Variants in PPP1R15A observed in about 807,000 individuals in gnomAD.
PPP1R15A encodes growth arrest and DNA damage-inducible protein GADD34.
Under a neutral mutation model 48.5 loss-of-function variants are expected in PPP1R15A, and 43 were observed. The ratio of observed to expected loss-of-function variants is 0.89; its 90% CI spans 0.69 to 1.14. The LOEUF is 1.14. Among genes scored for constraint, PPP1R15A ranks in the 50% most tolerant of loss-of-function variants. The probability of loss-of-function intolerance (pLI) is 0.00; values close to 1 mark genes in which losing one functional copy is unlikely to be tolerated. For missense variants in PPP1R15A, 868 were observed against 847.2 expected (o/e 1.02, Z -0.30); for synonymous variants, 327 against 327.4 (o/e 1.00, Z 0.01).
Position 48,875,929 on chromosome 19 carries a change from G to A in PPP1R15A, c.1981G>A (p.Ala661Thr), listed in dbSNP as rs1479305436. Residue 661 changes from alanine (A) to threonine (T), a missense_variant, in exon 3 of 3, where the codon GCT (alanine) becomes ACT (threonine). Physicochemically the swap from Ala to Thr is moderately conservative, Grantham distance 58. Coordinates refer to ENST00000200453, the MANE Select transcript of PPP1R15A (RefSeq NM_014330.5). ...TGTGGCCACACCTTCCCGCTCGTCTGCTGCTGCAGCGGCTGCCCTGGACCT... is the reference window on the plus strand; with the variant it reads ...TGTGGCCACACCTTCCCGCTCGTCTACTGCTGCAGCGGCTGCCCTGGACCT... ...QAVATPSRSS[A>T]AAAAALDLSG... 2 of 1,608,986 alleles carry A rather than the reference G, an allele frequency of 1.2e-6. No homozygotes were observed. The highest frequency in any genetic ancestry group is 1.3e-5 in the African/African-American group (1 of 74,930).
At position 48,874,562 on chromosome 19, in the gene PPP1R15A, G is replaced by A. The variant is rs2037055358; in HGVS notation, c.1329G>A (p.Glu443=). ...VYRPGEDTEE[E]EDEDVDSEDK... is the part of the protein sequence containing the mutation. Reference sequence around the variant, plus strand: ...GGCCAGGAGAGGACACGGAGGAGGAGGAAGATGAGGATGTGGATAGTGAGG... The same window carrying A: ...GGCCAGGAGAGGACACGGAGGAGGAAGAAGATGAGGATGTGGATAGTGAGG... Residue 443 remains glutamate (E), a synonymous_variant, in exon 2 of 3, where the codon GAG becomes GAA. Transcript: ENST00000200453. The A allele has an allele frequency of 6.2e-7, 1 of 1,614,060 alleles. No homozygotes were observed. The highest frequency in any genetic ancestry group is 8.5e-7 in the Non-Finnish European group (1 of 1,180,034).
At chr19:48,875,441 T>C in intron 2 of PPP1R15A, 173 bp from the exon 3 acceptor site, 1 of 856,360 alleles carries the variant, frequency 1.2e-6, no homozygotes, top group Non-Finnish European at 1.7e-6. Context: ...CTTCAGTGAG[T>C]CAGATAGATA....
chr19:48,874,560 G>A lies in PPP1R15A; in HGVS notation c.1327G>A (p.Glu443Lys), dbSNP rs1364124846. 1 of 1,614,064 alleles carries A rather than the reference G, an allele frequency of 6.2e-7. No homozygotes were observed. Among genetic ancestry groups the A allele is most frequent in the African/African-American group, 1.3e-5 (1 of 74,920 alleles). Residue 443 changes from glutamate (E) to lysine (K), a missense_variant, in exon 2 of 3, where the codon GAG becomes AAG. Transcript: ENST00000200453. ...TCGGCCAGGAGAGGACACGGAGGAGGAGGAAGATGAGGATGTGGATAGTGA... is the reference window on the plus strand; with the variant it reads ...TCGGCCAGGAGAGGACACGGAGGAGAAGGAAGATGAGGATGTGGATAGTGA... ...VYRPGEDTEEEEDEDVDSEDK... is the reference protein window; with the variant it reads ...VYRPGEDTEEKEDEDVDSEDK...
chr19:48,873,543 C>T lies in PPP1R15A; in HGVS notation c.310C>T (p.Leu104Phe), dbSNP rs773973487. ...ETLGLKTSSS[L>F]PEAWGLLDDD... ...ACTGGGGCTGAAAACCAGCAGTTCC[C>T]TTCCTGAAGCCTGGGGACTTTTGGA... The change falls in exon 2 of 3, where the codon CTT (leucine) becomes TTT (phenylalanine). Residue 104 changes from leucine to phenylalanine, a missense_variant. By Grantham distance (22) the Leu-to-Phe change is conservative. Coordinates refer to ENST00000200453, the MANE Select transcript of PPP1R15A (RefSeq NM_014330.5). The T allele has an allele frequency of 3.3e-5, 53 of 1,614,070 alleles. No homozygotes were observed. The highest frequency in any genetic ancestry group is 4.2e-5 in the Non-Finnish European group (49 of 1,180,036).
In PPP1R15A at chr19:48,875,626, GAGA is replaced by G; in HGVS notation, c.1681_1683del (p.Lys561del). The stretch of plus-strand genomic sequence containing the variant: ...TGTCTGCCCGCAGGTGCGCTTCTCC[GAGA>G]AGGTCACTGTCCATTTCCTGGCTGT... On this transcript the variant is annotated inframe_deletion, in exon 3 of 3. Transcript: ENST00000200453. The G allele has an allele frequency of 1.3e-6, 2 of 1,594,102 alleles. No homozygotes were observed. The highest frequency in any genetic ancestry group is 1.7e-6 in the Non-Finnish European group (2 of 1,168,802).
rs1037651085 is a variant in PPP1R15A at position 48,872,644 on chromosome 19, C to T, written c.-17C>T. 5.7e-5 allele frequency: 21 copies of T among 365,448 alleles called. No homozygotes were observed. The East Asian group carries it at 1.7e-3, about 29-fold the overall frequency. The allele number at this position is 365,448 out of a possible 1,614,324, so 22.6% of individuals were successfully genotyped here. On this transcript the variant is annotated 5_prime_UTR_variant, in exon 1 of 3. Transcript: ENST00000200453. ...CCTGCCCCCGGGGTGACGCGCAGCT[C>T]CCAGCCGGTGAGTAAGGGGTCGGAA... is the stretch of plus-strand genomic sequence containing the variant.
In PPP1R15A at chr19:48,872,435, C is replaced by G. The variant is rs550110278; in HGVS notation, c.-226C>G. On this transcript the variant is annotated 5_prime_UTR_variant, in exon 1 of 3. Coordinates refer to ENST00000200453, the MANE Select transcript of PPP1R15A (RefSeq NM_014330.5). The stretch of plus-strand genomic sequence containing the variant: ...TTGTGTTCGTTGCTCTTATCGGTTC[C>G]CATCCCAGTTGTTGATCTTATGCAA... 4 of 456,370 alleles carry G rather than the reference C, an allele frequency of 8.8e-6. No homozygotes were observed. The highest frequency in any genetic ancestry group is 2.4e-5 in the Admixed American group (1 of 42,552). The allele number at this position is 456,370 out of a possible 1,614,324, so 28.3% of individuals were successfully genotyped here.
Position 48,874,531 on chromosome 19 carries a change from T to C in PPP1R15A, c.1298T>C (p.Val433Ala). 6.2e-7 allele frequency: 1 copy of C among 1,613,862 alleles called. No homozygotes were observed. Among genetic ancestry groups the C allele is most frequent in the Non-Finnish European group, 8.5e-7 (1 of 1,179,936 alleles). ...GCAAGTGCTTTCTTGAAGGCCTGGGTGTATCGGCCAGGAGAGGACACGGAG... is the reference window on the plus strand; with the variant it reads ...GCAAGTGCTTTCTTGAAGGCCTGGGCGTATCGGCCAGGAGAGGACACGGAG... ...PPASAFLKAW[V>A]YRPGEDTEEE... Residue 433 changes from valine (V) to alanine (A), a missense_variant, in exon 2 of 3, where the codon GTG (valine) becomes GCG (alanine). Physicochemically the swap from Val to Ala is moderately conservative, Grantham distance 64. Coordinates refer to ENST00000200453, the MANE Select transcript of PPP1R15A (RefSeq NM_014330.5).
At position 48,874,446 on chromosome 19, in the gene PPP1R15A, A is replaced by G; in HGVS notation, c.1213A>G (p.Ser405Gly). Residue 405 changes from serine to glycine, a missense_variant, in exon 2 of 3, where the codon AGT becomes GGT. Transcript: ENST00000200453. ...CACAGAGGAGGAGGAAGATGAGGAC[A>G]GTGATACAGGATCAGCCGAGGATGA... ...EDTEEEEDED[S>G]DTGSAEDERE... 1 of 1,613,820 alleles carries G rather than the reference A, an allele frequency of 6.2e-7. No individual in the cohort carries two copies. The highest frequency in any genetic ancestry group is 1.3e-5 in the African/African-American group (1 of 74,876).
intron 1 of PPP1R15A, 99 bp downstream of exon 1, chr19:48,872,750 G>A (rs2037023279): frequency 6.9e-6 from 2 of 290,408 alleles, no homozygotes; most frequent in East Asian, 9.1e-5. Context: ...GCCTGAGGGA[G>A]GAGGGATCTG....
At position 48,873,814 on chromosome 19, in the gene PPP1R15A, A is replaced by T. The variant is rs779679739; in HGVS notation, c.581A>T (p.Asp194Val). ...TGTTGTCCAGCCGTGGAGGAGGAGG[A>T]CGATGAAGAAGCTGTAAAGAAAGAA... ...RECCPAVEEE[D>V]DEEAVKKEAH... is the part of the protein sequence containing the mutation. The change falls in exon 2 of 3, where the codon GAC becomes GTC. Residue 194 changes from aspartate to valine, a missense_variant. Asp to Val is a radical substitution (Grantham distance 152, BLOSUM62 -3). Coordinates refer to ENST00000200453, the MANE Select transcript of PPP1R15A (RefSeq NM_014330.5). 5 of 1,614,058 alleles carry T rather than the reference A, an allele frequency of 3.1e-6. No individual in the cohort carries two copies. In the South Asian group the frequency reaches 5.5e-5, roughly 18 times the overall value.
chr19:48,874,818 C>T lies in PPP1R15A; in HGVS notation c.1585C>T (p.Leu529Phe). 6.2e-7 allele frequency: 1 copy of T among 1,613,540 alleles called. No homozygotes were observed. Among genetic ancestry groups the T allele is most frequent in the Non-Finnish European group, 8.5e-7 (1 of 1,179,900 alleles). Residue 529 changes from leucine to phenylalanine, a missense_variant, in exon 2 of 3, where the codon CTC (leucine) becomes TTC (phenylalanine). Leu to Phe is a conservative substitution (Grantham distance 22). Coordinates refer to ENST00000200453, the MANE Select transcript of PPP1R15A (RefSeq NM_014330.5). ...TCCCTGGGCTCCTCCTAGGCTGCCC[C>T]TCCGACTGCAAAGGCGGCTCAAGCG... is the stretch of plus-strand genomic sequence containing the variant. ...PPPWAPPRLP[L>F]RLQRRLKRPE...
chr19:48,875,731 C>T lies in PPP1R15A; in HGVS notation c.1783C>T (p.Arg595Cys), dbSNP rs147256383. Residue 595 changes from arginine (R) to cysteine (C), a missense_variant, in exon 3 of 3, where the codon CGC becomes TGC. By Grantham distance (180) the Arg-to-Cys change is radical. Coordinates refer to ENST00000200453, the MANE Select transcript of PPP1R15A (RefSeq NM_014330.5). ...LARDRSRFAR[R>C]ITQAQEELSP... ...TCGGGATCGCAGCCGCTTCGCACGC[C>T]GCATCACCCAGGCCCAGGAGGAGCT... The T allele has an allele frequency of 9.5e-5, 153 of 1,613,304 alleles. No individual in the cohort carries two copies. The African/African-American group carries it at 1.5e-3, about 16-fold the overall frequency.
intron 2 of PPP1R15A, 45 bp downstream of exon 2, chr19:48,874,943 T>C: frequency 6.9e-7 from 1 of 1,454,940 alleles, no homozygotes; most frequent in Middle Eastern, 1.9e-4. Flanking sequence ...TTTTTTTAAT[T>C]GAGTTGGAGT....
intron 2 of PPP1R15A, chr19:48,875,210 C>T (rs994388453): frequency 2.7e-5 from 9 of 332,446 alleles, no homozygotes; most frequent in Admixed American, 2.2e-4. Flanking sequence ...GGATTACAGG[C>T]GTGAGCTACC....
At position 48,876,006 on chromosome 19, in the gene PPP1R15A, T is replaced by C. The variant is rs760073575; in HGVS notation, c.*33T>C. On this transcript the variant is annotated 3_prime_UTR_variant, in exon 3 of 3. Coordinates refer to ENST00000200453, the MANE Select transcript of PPP1R15A (RefSeq NM_014330.5). ...TGGTTTGCCTATAATTTATTAACTA[T>C]TTATTTTTTCTAAGTGTGGGTTTAT... is the stretch of plus-strand genomic sequence containing the variant. The C allele has an allele frequency of 6.6e-7, 1 of 1,512,896 alleles. No homozygotes were observed. The highest frequency in any genetic ancestry group is 2.2e-5 in the Admixed American group (1 of 44,990). The allele number at this position is 1,512,896 out of a possible 1,614,324, so 93.7% of individuals were successfully genotyped here. A position where few individuals can be genotyped will look rare whatever the true frequency, so the allele number is the denominator to read the frequency against.
rs1182253404 is a variant in PPP1R15A, at chr19:48,872,482, C to T, written c.-179C>T. 8.8e-6 allele frequency: 4 copies of T among 456,378 alleles called. No homozygotes were observed. Among genetic ancestry groups the T allele is most frequent in the African/African-American group, 6.0e-5 (3 of 50,068 alleles). The allele number at this position is 456,378 out of a possible 1,614,324, so 28.3% of individuals were successfully genotyped here. A position where few individuals can be genotyped will look rare whatever the true frequency, so the allele number is the denominator to read the frequency against. On this transcript the variant is annotated 5_prime_UTR_variant, in exon 1 of 3. Coordinates refer to ENST00000200453, the MANE Select transcript of PPP1R15A (RefSeq NM_014330.5). ...GCAAGACGCTGCACGACCCCGCGCC[C>T]GCTTGTCGCCACGGCACTTGAGGCA...
At position 48,873,594 on chromosome 19, in the gene PPP1R15A, C is replaced by T. The variant is rs779991472; in HGVS notation, c.361C>T (p.Arg121Ter). ...LDDDDGMYGE[R>*]EATSVPRGQG... ...TGATGATGATGGCATGTATGGTGAG[C>T]GAGAGGCAACCAGTGTCCCTAGAGG... Residue 121 changes from arginine to a stop codon, truncating the protein, a stop_gained, in exon 2 of 3, where the codon CGA becomes TGA. Transcript: ENST00000200453. LOFTEE classifies it high-confidence loss of function. The T allele has an allele frequency of 2.2e-5, 36 of 1,613,968 alleles. No homozygotes were observed. The highest frequency in any genetic ancestry group is 6.7e-5 in the East Asian group (3 of 44,896).
At chr19:48,872,786 G>A (rs1304044549) in intron 1 of PPP1R15A, 135 bp downstream of exon 1, 1 of 278,672 alleles carries the variant, frequency 3.6e-6, no homozygotes, top group Admixed American at 4.3e-5. Context: ...GGTCCCCCGT[G>A]AAGGAATCAT....
Sources: allele counts gnomAD v4.1 joint callset, GRCh38; gene constraint gnomAD v4.1.1; transcripts MANE v1.5; gene names NCBI Gene and HGNC (gene_info 2026-07-23, HGNC 2026-07-21).